Variants in NRCAM observed in about 807,000 individuals in gnomAD.
NRCAM encodes the protein neuronal cell adhesion molecule, also known as NgCAM-related cell adhesion molecule.
In NRCAM, 83 loss-of-function variants were observed where a neutral mutation model predicts 156.5. That is an observed-to-expected ratio of 0.53 (90% CI 0.44 to 0.64). NRCAM has a LOEUF of 0.64. NRCAM is among the 30% of genes least tolerant of loss of function. The probability of loss-of-function intolerance (pLI) is 0.00; values close to 1 mark genes in which losing one functional copy is unlikely to be tolerated. For synonymous variants in NRCAM, 538 were observed against 563.9 expected (o/e 0.95, Z 0.65); for missense variants, 1,417 against 1,597.3 (o/e 0.89, Z 1.92).
At chr7:108,188,399 GT>G (rs2068652998) in intron 20 of NRCAM, among the ~76,000 whole-genome samples, 1 of 101,244 alleles carries the variant, frequency 9.9e-6, no homozygotes, top group Non-Finnish European at 2.4e-5. Flanking sequence ...GTGTGTGTGT[GT>G]ATATATACAT....
intron 3 of NRCAM, among the ~76,000 whole-genome samples, chr7:108,297,759 A>AG (rs2098479790): frequency 6.6e-6 from 1 of 152,238 alleles, no homozygotes; most frequent in Admixed American, 6.5e-5. Context: ...GAAGGGGTAC[A>AG]GGGGTTCCAA....
chr7:108,193,878 G>C (rs1399471444), intron 17 of NRCAM, 146 bp downstream of exon 17: 3 of 720,098 alleles, frequency 4.2e-6, no homozygotes, highest in Admixed American at 2.9e-5. Flanking sequence ...TTTTACAGTA[G>C]GGAGAAAATG....
intron 26 of NRCAM, among the ~76,000 whole-genome samples, chr7:108,177,526 C>T (rs1029605339): frequency 4.0e-5 from 6 of 151,626 alleles, no homozygotes; most frequent in Non-Finnish European, 8.8e-5. Context: ...GGGAGGCTGA[C>T]GGAGGAGAAT....
At chr7:108,182,049 T>C in intron 23 of NRCAM, 112 bp from the exon 24 acceptor site, 1 of 708,320 alleles carries the variant, frequency 1.4e-6, no homozygotes. Context: ...ACCTATTCTA[T>C]GGATTATTAA....
chr7:108,406,137 G>C (rs2099806852), intron 1 of NRCAM, among the ~76,000 whole-genome samples: 1 of 152,100 alleles, frequency 6.6e-6, no homozygotes, highest in Non-Finnish European at 1.5e-5. Flanking sequence ...AACAAATAAA[G>C]GGCTTAGGTG....
rs541372324 is a variant in NRCAM, at chr7:108,435,991, G to A, written c.-332+20252C>T. On this transcript the variant is annotated intron_variant, in intron 1 of 32. Transcript: ENST00000379028. ...ACTGAAAATACAAAAAAAATTAGCC[G>A]GGCGTGTTGGCGGGCACCTGTAGTC... 2.5e-3 allele frequency among the ~76,000 whole-genome samples: 376 copies of A among 152,270 alleles called. 3 individuals carry two copies. Among genetic ancestry groups the A allele is most frequent in the African/African-American group, 8.7e-3 (362 of 41,548 alleles).
At chr7:108,290,471 A>C (rs1364815404) in intron 3 of NRCAM, among the ~76,000 whole-genome samples, 1 of 152,158 alleles carries the variant, frequency 6.6e-6, no homozygotes, top group Non-Finnish European at 1.5e-5. Context: ...CATTTTCCTC[A>C]AACATTTAAA....
intron 30 of NRCAM, among the ~76,000 whole-genome samples, chr7:108,166,672 A>C (rs2054573930): frequency 1.3e-5 from 2 of 152,338 alleles, no homozygotes; most frequent in Non-Finnish European, 2.9e-5. Flanking sequence ...TATAAGTTAA[A>C]ATCATATTTA....
At chr7:108,390,506 A>AT (rs1479939394) in intron 2 of NRCAM, among the ~76,000 whole-genome samples, 1 of 150,888 alleles carries the variant, frequency 6.6e-6, no homozygotes, top group East Asian at 1.9e-4. Flanking sequence ...AATTTTGTTG[A>AT]TTTTTTTAAA....
At chr7:108,209,375 C>A in intron 12 of NRCAM, 46 bp downstream of exon 12, 1 of 1,289,428 alleles carries the variant, frequency 7.8e-7, no homozygotes, top group Non-Finnish European at 1.1e-6. Context: ...ATTAAAGTTT[C>A]AGGGTCTCTC....
At chr7:108,165,719 C>T (rs1374630799) in intron 30 of NRCAM, among the ~76,000 whole-genome samples, 1 of 152,246 alleles carries the variant, frequency 6.6e-6, no homozygotes, top group East Asian at 1.9e-4. Flanking sequence ...TAGTTTAATA[C>T]ATTATTGTTG....
chr7:108,261,603 C>A (rs190299853), intron 3 of NRCAM, among the ~76,000 whole-genome samples: 23 of 150,688 alleles, frequency 1.5e-4, no homozygotes, highest in African/African-American at 5.7e-4. Flanking sequence ...AGGACATCCC[C>A]ATTAGAGTTG....
intron 24 of NRCAM, among the ~76,000 whole-genome samples, chr7:108,180,647 C>T (rs1028933684): frequency 2.0e-5 from 3 of 152,198 alleles, no homozygotes; most frequent in African/African-American, 7.2e-5. Flanking sequence ...AGCTGGGCTA[C>T]ACTACTTTGT....
rs1421280015 is a variant in NRCAM at position 108,187,824 on chromosome 7, G to A, written c.2035+1821C>T. Among the ~76,000 whole-genome samples the A allele has an allele frequency of 1.4e-4, 22 of 151,976 alleles. 1 individual carries two copies. The highest frequency in any genetic ancestry group is 2.5e-4 in the Non-Finnish European group (17 of 67,988). ...AAAAAAAGTAGCCGGGTGTGGTGGCGGGCGCCTGTAGTCCCAGCTACTCGG... is the reference window on the plus strand; with the variant it reads ...AAAAAAAGTAGCCGGGTGTGGTGGCAGGCGCCTGTAGTCCCAGCTACTCGG... On this transcript the variant is annotated intron_variant, in intron 20 of 32. Coordinates refer to ENST00000379028, the MANE Select transcript of NRCAM (RefSeq NM_001037132.4).
At chr7:108,340,819 C>A in intron 2 of NRCAM, among the ~76,000 whole-genome samples, 1 of 152,264 alleles carries the variant, frequency 6.6e-6, no homozygotes, top group East Asian at 1.9e-4. Flanking sequence ...TGAAGGCCAA[C>A]TAATCTTAAA....
At chr7:108,427,827 G>T (rs985572057) in intron 1 of NRCAM, among the ~76,000 whole-genome samples, 1 of 152,150 alleles carries the variant, frequency 6.6e-6, no homozygotes, top group Non-Finnish European at 1.5e-5. Flanking sequence ...ACCAAATACA[G>T]TTATTTCAAT....
At chr7:108,223,018 T>G (rs1036600541) in intron 11 of NRCAM, among the ~76,000 whole-genome samples, 5 of 152,194 alleles carry the variant, frequency 3.3e-5, no homozygotes, top group African/African-American at 1.2e-4. Flanking sequence ...AATCTAGGCT[T>G]GGCCTTGTGA....
intron 13 of NRCAM, among the ~76,000 whole-genome samples, chr7:108,200,057 G>T (rs1252632340): frequency 1.3e-5 from 2 of 152,068 alleles, no homozygotes; most frequent in Non-Finnish European, 2.9e-5. Context: ...AAGGAAAAAT[G>T]TAACAAAAAA....
chr7:108,191,751 G>A lies in NRCAM; in HGVS notation c.1881C>T (p.Ala627=), dbSNP rs753236945. The A allele has an allele frequency of 4.3e-6, 7 of 1,613,722 alleles. No homozygotes were observed. In the Admixed American group the frequency reaches 8.3e-5, roughly 19 times the overall value. ...VANTTLDSVS[A]SAVLSVVAPT... ...TACCAACAACGCTAAGCACAGCGCT[G>A]GCGGAGACGCTGTCCAGAGTGGTGT... Residue 627 remains alanine (A), a synonymous_variant, in exon 18 of 33, where the codon GCC becomes GCT. Transcript: ENST00000379028.
Sources: allele counts gnomAD v4.1 joint callset (sites outside exome capture counted in the v4.1 genomes callset), GRCh38; gene constraint gnomAD v4.1.1; transcripts MANE v1.5; gene names NCBI Gene and HGNC (gene_info 2026-07-23, HGNC 2026-07-21).